The following TBX3 variants were observed in gnomAD, a reference collection of about 807,000 sequenced individuals.
TBX3 encodes T-box transcription factor TBX3.
A neutral mutation model predicts 47.8 loss-of-function variants in TBX3; 11 were observed. The ratio of observed to expected loss-of-function variants is 0.23; its 90% CI spans 0.14 to 0.38. TBX3 has a LOEUF of 0.38. Among genes scored for constraint, TBX3 ranks in the 10% least tolerant of loss-of-function variants. TBX3 has a pLI of 1.00. For synonymous variants in TBX3, 500 were observed against 449.3 expected (o/e 1.11, Z -1.43); for missense variants, 927 against 1,022.8 (o/e 0.91, Z 1.28).
At chr12:114,682,771 A>C in intron 1 of TBX3, 41 bp downstream of exon 1, 1 of 1,613,706 alleles carries the variant, frequency 6.2e-7, no homozygotes, top group Non-Finnish European at 8.5e-7. Flanking sequence ...GGGAGGAAAA[A>C]ACTCTCCAAC....
rs927204453 is a variant in TBX3, at chr12:114,682,831, C to T, written c.370G>A (p.Val124Ile). 10 of 1,614,056 alleles carry T rather than the reference C, an allele frequency of 6.2e-6. No individual in the cohort carries two copies. The highest frequency in any genetic ancestry group is 4.0e-5 in the African/African-American group (3 of 74,916). ...GCTTACCTTCCCGACTTGGTAATGA[C>T]CATCTCGGTGCCCCGCTTGTGAAAC... ...DQFHKRGTEM[V>I]ITKSGRRMFP... The change falls in exon 1 of 7, where the codon GTC becomes ATC. Residue 124 changes from valine to isoleucine, a missense_variant. This residue lies in a region of TBX3 where 216 missense variants were observed against 281.2 expected (regional missense o/e 0.77). Transcript: ENST00000349155.
chr12:114,678,828 G>A (rs1868812965), intron 3 of TBX3, among the ~76,000 whole-genome samples: 1 of 152,016 alleles, frequency 6.6e-6, no homozygotes, highest in Non-Finnish European at 1.5e-5. Context: ...TTCCCTTTTG[G>A]GGATCCTTCT....
At chr12:114,676,502 A>G in intron 4 of TBX3, 32 bp from the exon 5 acceptor site, 1 of 1,613,556 alleles carries the variant, frequency 6.2e-7, no homozygotes, top group South Asian at 1.1e-5. Context: ...AGGTTACAGA[A>G]TGTAACATAC....
Position 114,683,968 on chromosome 12 carries a change from T to A in TBX3, c.-768A>T, listed in dbSNP as rs1424558791. 1.7e-5 allele frequency: 4 copies of A among 230,608 alleles called. No homozygotes were observed. Among genetic ancestry groups the A allele is most frequent in the Non-Finnish European group, 3.4e-5 (4 of 116,544 alleles). 14.3% of individuals were successfully genotyped at this position (230,608 alleles called of 1,614,324 possible). ...CTCCCGTGCCTCTCTCTCTTCCTTG[T>A]CCTAAAACGTGAGCGAATTCGCTTC... On this transcript the variant is annotated 5_prime_UTR_variant, in exon 1 of 7. Coordinates refer to ENST00000349155, the MANE Select transcript of TBX3 (RefSeq NM_005996.4). This position sits in a 1 kb window ranked among gnomAD's most constrained non-coding sequence, Gnocchi z 7.7.
At chr12:114,679,930 A>AATT in intron 2 of TBX3, 1 of 1,614,136 alleles carries the variant, frequency 6.2e-7, no homozygotes, top group Non-Finnish European at 8.5e-7. Flanking sequence ...CCAAAACTAT[A>AATT]ATTCCCCTGC....
At position 114,684,044 on chromosome 12, in the gene TBX3, A is replaced by T. The variant is rs1869078714; in HGVS notation, c.-844T>A. On this transcript the variant is annotated 5_prime_UTR_variant, in exon 1 of 7. Transcript: ENST00000349155. ...GCAGGGAGGATTTAGAGGGGGAAAA[A>T]ATGGAACAGAGGGAAAGAGAGGGAG... 8.7e-6 allele frequency: 2 copies of T among 229,336 alleles called. No individual in the cohort carries two copies. The highest frequency in any genetic ancestry group is 1.7e-5 in the Non-Finnish European group (2 of 116,242). The allele number at this position is 229,336 out of a possible 1,614,324, so 14.2% of individuals were successfully genotyped here. A position where few individuals can be genotyped will look rare whatever the true frequency, so the allele number is the denominator to read the frequency against.
chr12:114,682,722 T>A (rs1868991604), intron 1 of TBX3, 90 bp downstream of exon 1: 1 of 1,600,534 alleles, frequency 6.2e-7, no homozygotes, highest in South Asian at 1.1e-5. Flanking sequence ...CAAGCCGTAA[T>A]AACCGACCAA....
chr12:114,683,083 A>G lies in TBX3; in HGVS notation c.118T>C (p.Phe40Leu). The G allele has an allele frequency of 6.2e-7, 1 of 1,610,728 alleles. No individual in the cohort carries two copies. ...GGAGGCAGCGTCAGCGCGGGGAAGA[A>G]CGGCGGCTGGTGACCCAGCACCGCG... ...MSAVLGHQPP[F>L]FPALTLPPNG... Residue 40 changes from phenylalanine (F) to leucine (L), a missense_variant, in exon 1 of 7, where the codon TTC becomes CTC. This residue lies in a region of TBX3 where 216 missense variants were observed against 281.2 expected (regional missense o/e 0.77). Transcript: ENST00000349155. This position sits in a 1 kb window ranked among gnomAD's most constrained non-coding sequence, Gnocchi z 7.7.
At chr12:114,676,494 G>A (rs1350691787) in intron 4 of TBX3, 24 bp from the exon 5 acceptor site, 1 of 1,613,888 alleles carries the variant, frequency 6.2e-7, no homozygotes, top group East Asian at 2.2e-5. Flanking sequence ...CCACACCCAG[G>A]TTACAGAATG....
chr12:114,670,989 C>A lies in TBX3; in HGVS notation c.*852G>T. ...TTTTAAAACCTTGTTATTGCATATA[C>A]AGGAAAGAGAAAGAACTGTCAAAGA... is the stretch of plus-strand genomic sequence containing the variant. On this transcript the variant is annotated 3_prime_UTR_variant, in exon 7 of 7. Transcript: ENST00000349155. 4.8e-6 allele frequency: 1 copy of A among 207,282 alleles called. No homozygotes were observed. Among genetic ancestry groups the A allele is most frequent in the East Asian group, 7.6e-5 (1 of 13,242 alleles). 12.8% of individuals were successfully genotyped at this position (207,282 alleles called of 1,614,324 possible).
intron 6 of TBX3, 121 bp downstream of exon 6, chr12:114,674,044 G>C: frequency 7.9e-7 from 1 of 1,273,548 alleles, no homozygotes; most frequent in Non-Finnish European, 1.1e-6. Context: ...CCCGGTAATG[G>C]CTCAGTAAAA....
chr12:114,676,247 C>T (rs1868703390), intron 5 of TBX3, 66 bp downstream of exon 5: 1 of 1,604,306 alleles, frequency 6.2e-7, no homozygotes, highest in Non-Finnish European at 8.5e-7. Flanking sequence ...GGTGCCCCAT[C>T]CCCCTTCAAC....
At chr12:114,672,898 G>A (rs1868514567) in intron 6 of TBX3, among the ~76,000 whole-genome samples, 1 of 152,132 alleles carries the variant, frequency 6.6e-6, no homozygotes, top group Non-Finnish European at 1.5e-5. Context: ...AAGGAAACTG[G>A]GGCTGGGGGA....
At chr12:114,672,532 A>G (rs986054690) in intron 6 of TBX3, among the ~76,000 whole-genome samples, 1 of 152,054 alleles carries the variant, frequency 6.6e-6, no homozygotes, top group Non-Finnish European at 1.5e-5. Context: ...CCCTAGGCCA[A>G]GAGACTTTGA....
intron 3 of TBX3, among the ~76,000 whole-genome samples, chr12:114,679,013 C>T (rs1868820734): frequency 6.6e-6 from 1 of 152,154 alleles, no homozygotes; most frequent in Non-Finnish European, 1.5e-5. Flanking sequence ...CATCATAACA[C>T]AGCAGCATAA....
In TBX3 at chr12:114,684,079, A is replaced by G. The variant is rs565141271; in HGVS notation, c.-879T>C. The G allele has an allele frequency of 7.8e-5, 18 of 230,808 alleles. No homozygotes were observed. Among genetic ancestry groups the G allele is most frequent in the African/African-American group, 3.8e-4 (17 of 44,992 alleles). 14.3% of individuals were successfully genotyped at this position (230,808 alleles called of 1,614,324 possible). A position where few individuals can be genotyped will look rare whatever the true frequency, so the allele number is the denominator to read the frequency against. ...AGGGAAAGAGAGGGAGGGGAGAGAG[A>G]GAGAGAGAGAGAGAGACGGAGTCGG... On this transcript the variant is annotated 5_prime_UTR_variant, in exon 1 of 7. Transcript: ENST00000349155.
At chr12:114,676,671 G>C (rs953463115) in intron 4 of TBX3, among the ~76,000 whole-genome samples, 3 of 152,240 alleles carry the variant, frequency 2.0e-5, no homozygotes, top group Non-Finnish European at 4.4e-5. Flanking sequence ...CTGGGCTGAA[G>C]AGTGTGGCAG....
chr12:114,674,101 C>A, intron 6 of TBX3, 64 bp downstream of exon 6: 1 of 1,551,848 alleles, frequency 6.4e-7, no homozygotes, highest in South Asian at 1.2e-5. Context: ...GGTCTGCTGG[C>A]AAAGGACAGG....
At chr12:114,674,143 AG>A in intron 6 of TBX3, 21 bp downstream of exon 6, 1 of 1,575,062 alleles carries the variant, frequency 6.3e-7, no homozygotes, top group Non-Finnish European at 8.6e-7. Context: ...AGACTGGTGG[AG>A]GCAGGAAGAA....
Sources: gnomAD v4.1 joint callset for allele counts (sites outside exome capture counted in the v4.1 genomes callset) on GRCh38, gnomAD v4.1.1 for gene constraint, gnomAD v4.1.1 regional missense constraint, Gnocchi (gnomAD v3.1) non-coding constraint, MANE v1.5 for transcripts, NCBI Gene and HGNC (gene_info 2026-07-23, HGNC 2026-07-21) for gene names.